Variants in BTBD16 observed in about 807,000 individuals in gnomAD.
The protein encoded by BTBD16 is BTB/POZ domain-containing protein 16.
BTBD16 carries 66 observed loss-of-function variants against 67.4 expected under a neutral mutation model. The observed-to-expected ratio is 0.98, with a 90% CI of 0.80 to 1.20. The LOEUF (loss-of-function observed/expected upper bound fraction) is 1.20. Among genes scored for constraint, BTBD16 ranks in the 50% most tolerant of loss-of-function variants. The pLI, the probability that BTBD16 is intolerant of heterozygous loss-of-function variation, is 0.00. For synonymous variants in BTBD16, 242 were observed against 236.4 expected, an observed-to-expected ratio of 1.02 and a Z score of -0.22; for missense variants, 634 against 616.0, an observed-to-expected ratio of 1.03 and a Z score of -0.31.
chr10:122,331,674 T>A (rs991581823), intron 12 of BTBD16, among the ~76,000 whole-genome samples: 1 of 152,226 alleles, frequency 6.6e-6, no homozygotes, highest in Non-Finnish European at 1.5e-5. Flanking sequence ...TGACTATGAA[T>A]GTTTTCCATG....
intron 8 of BTBD16, among the ~76,000 whole-genome samples, chr10:122,298,086 T>C (rs1317984599): frequency 2.6e-5 from 4 of 152,164 alleles, no homozygotes; most frequent in Non-Finnish European, 4.4e-5. Context: ...AGAAGCAGCA[T>C]AGCCTTTCTC....
chr10:122,326,472 C>G (rs7089528), intron 10 of BTBD16, among the ~76,000 whole-genome samples: 2,737 of 152,270 alleles, frequency 0.018, 51 homozygotes, highest in African/African-American at 0.054. Flanking sequence ...CCAGGTTCAT[C>G]ATGCTGTAGC....
chr10:122,275,152 A>G, intron 2 of BTBD16, 53 bp downstream of exon 2: 1 of 1,576,134 alleles, frequency 6.3e-7, no homozygotes, highest in Non-Finnish European at 8.7e-7. Flanking sequence ...GCATTTGCTT[A>G]TGGTCATTTT....
intron 1 of BTBD16, among the ~76,000 whole-genome samples, chr10:122,274,086 T>C (rs1371998078): frequency 1.3e-5 from 2 of 152,366 alleles, no homozygotes; most frequent in African/African-American, 4.8e-5. Context: ...GGAGGTCAGC[T>C]GAGGTTCTTG....
chr10:122,271,820 A>T (rs75189955), intron 1 of BTBD16, among the ~76,000 whole-genome samples: 5,931 of 152,182 alleles, frequency 0.039, 332 homozygotes, highest in East Asian at 0.2. Flanking sequence ...AAGATCAGCT[A>T]AAAAAGTTCT....
intron 14 of BTBD16, among the ~76,000 whole-genome samples, chr10:122,335,638 G>T (rs1009252335): frequency 6.6e-6 from 1 of 152,276 alleles, no homozygotes; most frequent in Admixed American, 6.5e-5. Flanking sequence ...ATCTGTGCAG[G>T]GTGGCTTGGA....
intron 7 of BTBD16, 131 bp from the exon 8 acceptor site, chr10:122,297,637 C>A: frequency 1.1e-6 from 1 of 929,544 alleles, no homozygotes. Context: ...AATGTCCATA[C>A]CCCTAAAGCG....
At position 122,295,710 on chromosome 10, in the gene BTBD16, G is replaced by A. The variant is rs139201269; in HGVS notation, c.591-2058G>A. Reference sequence around the variant, plus strand: ...TTGACAGGACTCAGCAGTCTTAGAAGGCAAAATGCCCAGGGGATGACAGCA... The same window carrying A: ...TTGACAGGACTCAGCAGTCTTAGAAAGCAAAATGCCCAGGGGATGACAGCA... On this transcript the variant is annotated intron_variant, in intron 7 of 15. Transcript: ENST00000260723. Among the ~76,000 whole-genome samples, 6 of 152,236 alleles carry A rather than the reference G, an allele frequency of 3.9e-5. No individual in the cohort carries two copies. The East Asian group carries it at 1.2e-3, about 29-fold the overall frequency.
chr10:122,316,117 A>C (rs1314000615), intron 10 of BTBD16, among the ~76,000 whole-genome samples: 3 of 152,080 alleles, frequency 2.0e-5, no homozygotes, highest in African/African-American at 2.4e-5. Context: ...AAATACAAAA[A>C]TTAGCCAGGC....
At position 122,295,228 on chromosome 10, in the gene BTBD16, T is replaced by C. The variant is rs142108327; in HGVS notation, c.591-2540T>C. On this transcript the variant is annotated intron_variant, in intron 7 of 15. Transcript: ENST00000260723. ...CATGGAAATCAAAACTAAGGCAGTA[T>C]GTGGGGAGGAGCAATCAGGGTGACT... 6.6e-4 allele frequency: 544 copies of C among 818,998 alleles called. 11 individuals carry two copies. The East Asian group carries it at 0.02, about 30-fold the overall frequency. 50.7% of individuals were successfully genotyped at this position (818,998 alleles called of 1,614,324 possible). A position where few individuals can be genotyped will look rare whatever the true frequency, so the allele number is the denominator to read the frequency against.
chr10:122,322,090 G>A (rs546236874), intron 10 of BTBD16, among the ~76,000 whole-genome samples: 3 of 151,724 alleles, frequency 2.0e-5, no homozygotes, highest in South Asian at 2.1e-4. Flanking sequence ...TTCTTTCCTC[G>A]ATCAGCATTG....
rs192794684 is a variant in BTBD16, at chr10:122,308,047, G to A, written c.911+739G>A. On this transcript the variant is annotated intron_variant, in intron 10 of 15. Coordinates refer to ENST00000260723, the MANE Select transcript of BTBD16 (RefSeq NM_144587.5). ...TGCTTTGAACCCAAATGTTTTACCCGCCCTCCCCCACTCTTTTAATAGCCT... is the reference window on the plus strand; with the variant it reads ...TGCTTTGAACCCAAATGTTTTACCCACCCTCCCCCACTCTTTTAATAGCCT... Among the ~76,000 whole-genome samples, 368 of 152,194 alleles carry A rather than the reference G, an allele frequency of 2.4e-3. 1 individual carries two copies. The highest frequency in any genetic ancestry group is 8.9e-3 in the South Asian group (43 of 4,826).
At chr10:122,274,573 A>G (rs1227168319) in intron 1 of BTBD16, among the ~76,000 whole-genome samples, 1 of 152,198 alleles carries the variant, frequency 6.6e-6, no homozygotes, top group Non-Finnish European at 1.5e-5. Context: ...AGATAACTGG[A>G]AAGTCCTTGC....
chr10:122,302,084 T>A (rs1017942871), intron 9 of BTBD16, among the ~76,000 whole-genome samples: 1 of 152,156 alleles, frequency 6.6e-6, no homozygotes, highest in Admixed American at 6.5e-5. Context: ...GTGGGGCCAA[T>A]TCCCTGTTTG....
intron 9 of BTBD16, chr10:122,303,643 T>C: frequency 1.2e-6 from 1 of 841,288 alleles, no homozygotes; most frequent in Non-Finnish European, 1.4e-6. Flanking sequence ...TGTTTATATA[T>C]AATTTTCTCA....
chr10:122,334,495 T>C (rs1428928863), intron 13 of BTBD16, among the ~76,000 whole-genome samples: 11 of 13,012 alleles, frequency 8.5e-4, no homozygotes, highest in Admixed American at 7.7e-3. Flanking sequence ...GTGCCCGGCC[T>C]TTTTTTTTTT....
chr10:122,308,178 G>C (rs2096407035), intron 10 of BTBD16, among the ~76,000 whole-genome samples: 1 of 152,190 alleles, frequency 6.6e-6, no homozygotes, highest in South Asian at 2.1e-4. Context: ...ATAGGAAAAA[G>C]AGCTAGAATG....
At chr10:122,332,414 G>A (rs1256460602) in intron 12 of BTBD16, 22 bp from the exon 13 acceptor site, 2 of 1,613,030 alleles carry the variant, frequency 1.2e-6, no homozygotes, top group South Asian at 1.1e-5. Context: ...ACCGTGGTCA[G>A]CTGTGTGCAT....
rs2096368639 is a variant in BTBD16, at chr10:122,288,838, C to G, written c.386-1071C>G. On this transcript the variant is annotated intron_variant, in intron 5 of 15. Transcript: ENST00000260723. ...GGAAGCCCCACACCATCCCGAGGAG[C>G]ATGCCGGTGAGGGGCTAGGTGGGGG... is the stretch of plus-strand genomic sequence containing the variant. Among the ~76,000 whole-genome samples, 3 of 152,144 alleles carry G rather than the reference C, an allele frequency of 2.0e-5. No homozygotes were observed. The South Asian group carries it at 6.2e-4, about 32-fold the overall frequency.
Sources: allele counts gnomAD v4.1 joint callset (sites outside exome capture counted in the v4.1 genomes callset), GRCh38; gene constraint gnomAD v4.1.1; transcripts MANE v1.5; gene names NCBI Gene and HGNC (gene_info 2026-07-23, HGNC 2026-07-21).